Variants in PTPRS observed in about 807,000 individuals in gnomAD.
PTPRS encodes receptor-type tyrosine-protein phosphatase S.
A neutral mutation model predicts 215.3 loss-of-function variants in PTPRS; 63 were observed. The observed-to-expected ratio is 0.29, with a 90% CI of 0.24 to 0.36. PTPRS has a LOEUF of 0.36. Among genes scored for constraint, PTPRS ranks in the 10% least tolerant of loss-of-function variants. The probability of loss-of-function intolerance (pLI) is 1.00; values close to 1 mark genes in which losing one functional copy is unlikely to be tolerated. For missense variants in PTPRS, 2,258 were observed against 2,825.8 expected (o/e 0.80, Z 4.56); for synonymous variants, 1,404 against 1,191.4 (o/e 1.18, Z -3.68).
In PTPRS at chr19:5,265,164, C is replaced by T. The variant is rs147257283; in HGVS notation, c.412G>A (p.Asp138Asn). 6.8e-6 allele frequency: 11 copies of T among 1,613,696 alleles called. No individual in the cohort carries two copies. The African/African-American group carries it at 8.0e-5, about 12-fold the overall frequency. ...ACCACCTTCAACTGTGGGCCCATGTCGATGTTGGGGAAGCCAGAGGGCAGC... is the reference window on the plus strand; with the variant it reads ...ACCACCTTCAACTGTGGGCCCATGTTGATGTTGGGGAAGCCAGAGGGCAGC... ...DQLPSGFPNI[D>N]MGPQLKVVER... is the part of the protein sequence containing the mutation. The change falls in exon 5 of 38, where the codon GAC becomes AAC. Residue 138 changes from aspartate (D) to asparagine (N), a missense_variant. This residue lies in a region of PTPRS where 508 missense variants were observed against 799.4 expected (regional missense o/e 0.64). Transcript: ENST00000262963.
Position 5,223,197 on chromosome 19 carries a change from G to C in PTPRS, c.2595C>G (p.Gly865=). The stretch of plus-strand genomic sequence containing the variant: ...CCTCACGGCCAAACTGCAGGCGGTA[G>C]CCCAGCACCTGGTCCTCCGCGGTGC... ...PAGTAEDQVL[G]YRLQFGREDS... is the part of the protein sequence containing the mutation. Residue 865 remains glycine (G), a synonymous_variant, in exon 18 of 38, where the codon GGC becomes GGG. Coordinates refer to ENST00000262963, the MANE Select transcript of PTPRS (RefSeq NM_002850.4). 3 of 1,542,942 alleles carry C rather than the reference G, an allele frequency of 1.9e-6. No homozygotes were observed. Among genetic ancestry groups the C allele is most frequent in the Non-Finnish European group, 2.6e-6 (3 of 1,144,366 alleles).
Position 5,218,432 on chromosome 19 carries a change from A to G in PTPRS, c.4036T>C (p.Phe1346Leu), listed in dbSNP as rs1266362648. Residue 1346 changes from phenylalanine (F) to leucine (L), a missense_variant, in exon 25 of 38, where the codon TTC becomes CTC. Phe to Leu is a conservative substitution (Grantham distance 22). Coordinates refer to ENST00000262963, the MANE Select transcript of PTPRS (RefSeq NM_002850.4). ...GATAAGTACATACCTGGAGTCTGGA[A>G]GTTAATGCGTCTCATTTCCACAGGG... Reference protein sequence around the residue: ...KDPVEMRRINFQTPDSGLRSP... With the variant: ...KDPVEMRRINLQTPDSGLRSP... 1 of 1,613,710 alleles carries G rather than the reference A, an allele frequency of 6.2e-7. No homozygotes were observed. Among genetic ancestry groups the G allele is most frequent in the East Asian group, 2.2e-5 (1 of 44,870 alleles).
Position 5,222,807 on chromosome 19 carries a change from G to A in PTPRS, c.2985C>T (p.Leu995=), listed in dbSNP as rs2042117689. 2 of 1,597,606 alleles carry A rather than the reference G, an allele frequency of 1.3e-6. No individual in the cohort carries two copies. Among genetic ancestry groups the A allele is most frequent in the Non-Finnish European group, 1.7e-6 (2 of 1,178,168 alleles). ...AAAEPGAENA[L]TLQGLKPDTA... is the part of the protein sequence containing the mutation. ...TGTCGGGCTTCAGGCCCTGCAGCGT[G>A]AGCGCGTTCTCCGCGCCCGGCTCAG... is the stretch of plus-strand genomic sequence containing the variant. Residue 995 remains leucine (L), a synonymous_variant, in exon 18 of 38, where the codon CTC becomes CTT. Coordinates refer to ENST00000262963, the MANE Select transcript of PTPRS (RefSeq NM_002850.4).
intron 22 of PTPRS, 34 bp downstream of exon 22, chr19:5,219,905 G>T (rs2041826532): frequency 6.2e-7 from 1 of 1,601,286 alleles, no homozygotes; most frequent in African/African-American, 1.3e-5. Context: ...TCAGAGGTGT[G>T]TCTGGATGTG....
In PTPRS at chr19:5,206,570, C is replaced by T. The variant is rs1044526436; in HGVS notation, c.*204G>A. 8 of 500,972 alleles carry T rather than the reference C, an allele frequency of 1.6e-5. No homozygotes were observed. The highest frequency in any genetic ancestry group is 4.9e-5 in the South Asian group (2 of 40,634). 31.0% of individuals were successfully genotyped at this position (500,972 alleles called of 1,614,324 possible). ...GTGCCAAGTATTTGAAGGCGGCGGC[C>T]GGTGCCAGGGAGGTCGCTGGGGCGG... On this transcript the variant is annotated 3_prime_UTR_variant, in exon 38 of 38. Transcript: ENST00000262963.
chr19:5,282,203 C>T (rs1163826344), intron 2 of PTPRS, among the ~76,000 whole-genome samples: 4 of 152,140 alleles, frequency 2.6e-5, no homozygotes, highest in African/African-American at 9.7e-5. Flanking sequence ...AGGGGTTCTA[C>T]CTCTCGGAAG....
intron 2 of PTPRS, among the ~76,000 whole-genome samples, chr19:5,282,631 C>T (rs1187066009): frequency 6.6e-6 from 1 of 152,050 alleles, no homozygotes; most frequent in Non-Finnish European, 1.5e-5. Flanking sequence ...GGCAAAACCC[C>T]ATCTCTACCA....
chr19:5,284,883 G>C (rs997316134), intron 2 of PTPRS, among the ~76,000 whole-genome samples: 7 of 152,150 alleles, frequency 4.6e-5, no homozygotes, highest in Non-Finnish European at 7.3e-5. Flanking sequence ...GAGAAGTAGA[G>C]GTTGCAGTGA....
chr19:5,273,693 C>A, intron 3 of PTPRS, 110 bp from the exon 4 acceptor site: 1 of 1,327,240 alleles, frequency 7.5e-7, no homozygotes, highest in Admixed American at 2.2e-5. Flanking sequence ...GCCCCATGAT[C>A]CTGGGGGTGA....
At chr19:5,262,418 C>T (rs1022373944) in intron 6 of PTPRS, among the ~76,000 whole-genome samples, 1 of 152,194 alleles carries the variant, frequency 6.6e-6, no homozygotes, top group Non-Finnish European at 1.5e-5. Flanking sequence ...TGATATCAGT[C>T]ACTCTCACTT....
At chr19:5,331,127 T>TAA (rs1568622692) in intron 1 of PTPRS, among the ~76,000 whole-genome samples, 74 of 80,688 alleles carry the variant, frequency 9.2e-4, no homozygotes, top group African/African-American at 2.7e-3. Context: ...GCTTCTTTTT[T>TAA]TAAAAAAAAA....
At chr19:5,261,991 G>T (rs1019901142) in intron 6 of PTPRS, among the ~76,000 whole-genome samples, 5 of 152,200 alleles carry the variant, frequency 3.3e-5, no homozygotes, top group African/African-American at 9.7e-5. Context: ...AGTCTTTTCA[G>T]GCCGGGCGTG....
In PTPRS at chr19:5,287,963, G is replaced by GGCACAC. The variant is rs2048491650; in HGVS notation, c.-94-1735_-94-1730dup. Among the ~76,000 whole-genome samples, 1 of 86,524 alleles carries GGCACAC rather than the reference G, an allele frequency of 1.2e-5. No homozygotes were observed. The highest frequency in any genetic ancestry group is 3.9e-4 in the South Asian group (1 of 2,586). The allele number at this position is 86,524 out of a possible 152,430, so 56.8% of individuals were successfully genotyped here. On this transcript the variant is annotated intron_variant, in intron 1 of 37. Transcript: ENST00000262963. This position sits in a 1 kb window ranked among gnomAD's most constrained non-coding sequence, Gnocchi z 4.8. ...TTCACACAGTCAGGCAGCAGAGACGGGCACACACACACACACACACACACA... is the reference window on the plus strand; with the variant it reads ...TTCACACAGTCAGGCAGCAGAGACGGGCACACGCACACACACACACACACACACACA...
intron 13 of PTPRS, among the ~76,000 whole-genome samples, chr19:5,235,511 T>A (rs951913356): frequency 6.6e-6 from 1 of 152,250 alleles, no homozygotes; most frequent in African/African-American, 2.4e-5. Context: ...GAGCATCTAC[T>A]ACGTGCCTCA....
Position 5,295,556 on chromosome 19 carries a change from A to G in PTPRS, c.-94-9322T>C, listed in dbSNP as rs10415188. On this transcript the variant is annotated intron_variant, in intron 1 of 37. Transcript: ENST00000262963. This position sits in a 1 kb window ranked among gnomAD's most constrained non-coding sequence, Gnocchi z 4.6. Reference sequence around the variant, plus strand: ...GCCTCTCCCACCAGACTGTGACCTCAGGAGGCAGAGCAGGATTTGTCTCGG... The same window carrying G: ...GCCTCTCCCACCAGACTGTGACCTCGGGAGGCAGAGCAGGATTTGTCTCGG... Among the ~76,000 whole-genome samples the G allele has an allele frequency of 0.74, 112,830 of 151,920 alleles. 42,471 individuals are homozygous for G. The highest frequency in any genetic ancestry group is 0.84 in the African/African-American group (34,954 of 41,474).
intron 1 of PTPRS, among the ~76,000 whole-genome samples, chr19:5,306,622 G>T (rs1339670648): frequency 6.6e-6 from 1 of 152,098 alleles, no homozygotes; most frequent in Non-Finnish European, 1.5e-5. Context: ...GGACACTTCG[G>T]TTGCCTCCAT....
At chr19:5,236,849 G>GGA (rs2043487895) in intron 13 of PTPRS, among the ~76,000 whole-genome samples, 1 of 128,258 alleles carries the variant, frequency 7.8e-6, no homozygotes, top group Admixed American at 7.5e-5. Flanking sequence ...GGAGCAGGGG[G>GGA]AAAAAAAAAA....
chr19:5,286,809 A>G (rs1219242179), intron 1 of PTPRS, among the ~76,000 whole-genome samples: 4 of 151,764 alleles, frequency 2.6e-5, no homozygotes, highest in Admixed American at 2.6e-4. Flanking sequence ...TGAGTCCCCA[A>G]CCCAGGCTGG....
chr19:5,218,869 A>C, intron 23 of PTPRS, 71 bp from the exon 24 acceptor site: 1 of 1,489,244 alleles, frequency 6.7e-7, no homozygotes, highest in Non-Finnish European at 9.1e-7. Flanking sequence ...CCGGCCATCA[A>C]GGGCTTGTTC....
Sources: allele counts gnomAD v4.1 joint callset (sites outside exome capture counted in the v4.1 genomes callset), GRCh38; gene constraint gnomAD v4.1.1; regional missense constraint gnomAD v4.1.1; non-coding constraint Gnocchi (gnomAD v3.1); transcripts MANE v1.5; gene names NCBI Gene and HGNC (gene_info 2026-07-23, HGNC 2026-07-21).